GSG1L: variants seen among roughly 807,000 people sequenced by gnomAD.
GSG1L encodes GSG1 like, also known as germ cell-specific gene 1-like protein.
GSG1L carries 24 observed loss-of-function variants against 42.1 expected under a neutral mutation model. The ratio of observed to expected loss-of-function variants is 0.57; its 90% CI spans 0.41 to 0.80. The LOEUF is 0.80. Ranked by LOEUF, GSG1L falls within the 30% of genes least tolerant of loss-of-function variation. GSG1L has a pLI of 0.00. For missense variants in GSG1L, 445 were observed against 472.2 expected, an observed-to-expected ratio of 0.94 and a Z score of 0.53; for synonymous variants, 215 against 203.5, an observed-to-expected ratio of 1.06 and a Z score of -0.48.
At chr16:27,952,342 A>G (rs899281451) in intron 2 of GSG1L, among the ~76,000 whole-genome samples, 2 of 152,242 alleles carry the variant, frequency 1.3e-5, no homozygotes, top group Non-Finnish European at 2.9e-5. Context: ...ATCAGTGCTC[A>G]GAGGACCAGT....
chr16:27,920,362 C>T (rs2084510254), intron 2 of GSG1L, among the ~76,000 whole-genome samples: 1 of 152,206 alleles, frequency 6.6e-6, no homozygotes, highest in Admixed American at 6.5e-5. Context: ...GCACACCAGG[C>T]TGACTTAATT....
intron 3 of GSG1L, among the ~76,000 whole-genome samples, chr16:27,862,501 A>G (rs151338519): frequency 6.6e-6 from 1 of 152,362 alleles, no homozygotes; most frequent in East Asian, 1.9e-4. Context: ...TGATCCACAG[A>G]ATTGTGAGCT....
intron 4 of GSG1L, 87 bp from the exon 5 acceptor site, chr16:27,829,043 C>G (rs1439305614): frequency 7.8e-7 from 1 of 1,278,402 alleles, no homozygotes; most frequent in African/African-American, 1.5e-5. Flanking sequence ...TCATTCATCC[C>G]TGCATGGCTG....
intron 2 of GSG1L, among the ~76,000 whole-genome samples, chr16:27,923,534 C>T (rs1021017286): frequency 6.6e-6 from 1 of 152,082 alleles, no homozygotes; most frequent in Non-Finnish European, 1.5e-5. Context: ...CGTTTGAGAC[C>T]AGGAGTTTGA....
chr16:27,995,703 C>CATGA (rs1162562229), intron 1 of GSG1L, among the ~76,000 whole-genome samples: 1 of 152,052 alleles, frequency 6.6e-6, no homozygotes, highest in Non-Finnish European at 1.5e-5. Flanking sequence ...CCTCACTTGT[C>CATGA]ATGAGGGACA....
intron 1 of GSG1L, among the ~76,000 whole-genome samples, chr16:28,015,046 T>C (rs2085764843): frequency 6.6e-6 from 1 of 152,216 alleles, no homozygotes; most frequent in African/African-American, 2.4e-5. Flanking sequence ...GTTGAAGCTT[T>C]TGAAATCAAT....
At chr16:27,948,235 G>A (rs919910172) in intron 2 of GSG1L, among the ~76,000 whole-genome samples, 2 of 152,184 alleles carry the variant, frequency 1.3e-5, no homozygotes, top group African/African-American at 2.4e-5. Flanking sequence ...TGGGAAAGAT[G>A]ATGTAAACTA....
chr16:27,925,799 C>A (rs1457020329), intron 2 of GSG1L, among the ~76,000 whole-genome samples: 1 of 152,122 alleles, frequency 6.6e-6, no homozygotes, highest in African/African-American at 2.4e-5. Flanking sequence ...TAACCAAGCC[C>A]CCAAAGGAGA....
intron 6 of GSG1L, among the ~76,000 whole-genome samples, chr16:27,799,415 T>C (rs1232019694): frequency 1.3e-5 from 2 of 152,102 alleles, no homozygotes; most frequent in South Asian, 2.1e-4. Flanking sequence ...GTCTATGTCA[T>C]GTGCCTGCAA....
intron 2 of GSG1L, among the ~76,000 whole-genome samples, chr16:27,923,684 A>G (rs1033987827): frequency 1.3e-5 from 2 of 150,678 alleles, no homozygotes; most frequent in African/African-American, 4.9e-5. Flanking sequence ...GGAGGTTGCA[A>G]GATTGAGCCA....
intron 2 of GSG1L, among the ~76,000 whole-genome samples, chr16:27,955,182 G>A (rs2084990217): frequency 1.3e-5 from 2 of 152,132 alleles, no homozygotes; most frequent in Non-Finnish European, 2.9e-5. Context: ...TTAAAGGGTA[G>A]AGAAGCAAAC....
chr16:28,003,993 G>A (rs1021961896), intron 1 of GSG1L, among the ~76,000 whole-genome samples: 2 of 152,222 alleles, frequency 1.3e-5, no homozygotes, highest in African/African-American at 4.8e-5. Flanking sequence ...TGACACGGGC[G>A]GCACAGCTGC....
chr16:27,950,912 C>T (rs942175491), intron 2 of GSG1L, among the ~76,000 whole-genome samples: 2 of 152,194 alleles, frequency 1.3e-5, no homozygotes, highest in African/African-American at 4.8e-5. Flanking sequence ...TCTTCCTAGA[C>T]TGCCATCACA....
chr16:28,023,802 A>T (rs1035349363), intron 1 of GSG1L, among the ~76,000 whole-genome samples: 3 of 152,140 alleles, frequency 2.0e-5, no homozygotes, highest in Non-Finnish European at 2.9e-5. Context: ...AGGTGGGAGG[A>T]TCGCTTGAGC....
chr16:28,036,795 G>A (rs527259363), intron 1 of GSG1L, among the ~76,000 whole-genome samples: 3 of 152,214 alleles, frequency 2.0e-5, no homozygotes, highest in Admixed American at 1.3e-4. Context: ...AAATCAGGAC[G>A]CTTTTCCCTA....
chr16:27,947,548 A>T (rs866951307), intron 2 of GSG1L, among the ~76,000 whole-genome samples: 68 of 59,064 alleles, frequency 1.2e-3, no homozygotes, highest in African/African-American at 5.3e-3. Flanking sequence ...AAGGAAAGAA[A>T]GAAAGAAAGA....
At position 27,954,475 on chromosome 16, in the gene GSG1L, A is replaced by G. The variant is rs756922786; in HGVS notation, c.397+8681T>C. Among the ~76,000 whole-genome samples, 61 of 152,142 alleles carry G rather than the reference A, an allele frequency of 4.0e-4. 1 individual carries two copies. The highest frequency in any genetic ancestry group is 8.1e-4 in the Non-Finnish European group (55 of 68,030). ...CATACTGAAAACCAAGAATTAAGTGAAAGTCTACATGTGTGCCACTGAGAT... is the reference window on the plus strand; with the variant it reads ...CATACTGAAAACCAAGAATTAAGTGGAAGTCTACATGTGTGCCACTGAGAT... On this transcript the variant is annotated intron_variant, in intron 2 of 6. Transcript: ENST00000447459.
intron 1 of GSG1L, among the ~76,000 whole-genome samples, chr16:28,027,584 T>C (rs1270313329): frequency 2.0e-5 from 3 of 152,172 alleles, no homozygotes; most frequent in Non-Finnish European, 4.4e-5. Context: ...TTAAATGGAA[T>C]AGAGTCTAAG....
chr16:28,013,871 G>A (rs1487024417), intron 1 of GSG1L, among the ~76,000 whole-genome samples: 1 of 152,244 alleles, frequency 6.6e-6, no homozygotes, highest in African/African-American at 2.4e-5. Context: ...GTCCGTGTCA[G>A]GGTGAAGACA....
Sources: gnomAD v4.1 joint callset for allele counts (sites outside exome capture counted in the v4.1 genomes callset) on GRCh38, gnomAD v4.1.1 for gene constraint, MANE v1.5 for transcripts, NCBI Gene and HGNC (gene_info 2026-07-23, HGNC 2026-07-21) for gene names.